Variants in ACTR1B observed in about 807,000 individuals in gnomAD.
ACTR1B encodes the protein actin related protein 1B, also known as beta-centractin.
In ACTR1B, 34 loss-of-function variants were observed where a neutral mutation model predicts 49.4. That is an observed-to-expected ratio of 0.69 (90% CI 0.52 to 0.92). The LOEUF is 0.92. Ranked by LOEUF, ACTR1B falls within the 40% of genes least tolerant of loss-of-function variation. ACTR1B has a pLI of 0.00. For missense variants in ACTR1B, 471 were observed against 522.4 expected (o/e 0.90, Z 0.96); for synonymous variants, 207 against 207.8 (o/e 1.00, Z 0.03).
At position 97,663,921 on chromosome 2, in the gene ACTR1B, C is replaced by G. The variant is rs1330654573; in HGVS notation, c.-31G>C. 7.2e-6 allele frequency: 3 copies of G among 416,922 alleles called. No homozygotes were observed. Among genetic ancestry groups the G allele is most frequent in the East Asian group, 2.6e-4 (2 of 7,752 alleles). 25.8% of individuals were successfully genotyped at this position (416,922 alleles called of 1,614,324 possible). On this transcript the variant is annotated 5_prime_UTR_variant, in exon 1 of 11. Transcript: ENST00000289228. ...GGCCGCGCCGGCCCTGCCCAGCAGG[C>G]GGGCTGCAGGAGGCACCGGATGGGC...
intron 8 of ACTR1B, 58 bp downstream of exon 8, chr2:97,657,885 T>A: frequency 6.3e-7 from 1 of 1,587,394 alleles, no homozygotes; most frequent in South Asian, 1.1e-5. Flanking sequence ...GTATACTCTC[T>A]GAGGGTCCAG....
At chr2:97,663,116 C>A (rs1243499196) in intron 1 of ACTR1B, among the ~76,000 whole-genome samples, 1 of 152,166 alleles carries the variant, frequency 6.6e-6, no homozygotes, top group Admixed American at 6.5e-5. Flanking sequence ...AGCTCGGAAG[C>A]CAGAAATCTT....
Position 97,659,655 on chromosome 2 carries a change from C to G in ACTR1B, c.190-178G>C. 1 of 841,584 alleles carries G rather than the reference C, an allele frequency of 1.2e-6. No homozygotes were observed. The allele number at this position is 841,584 out of a possible 1,614,324, so 52.1% of individuals were successfully genotyped here. A position where few individuals can be genotyped will look rare whatever the true frequency, so the allele number is the denominator to read the frequency against. ...GGGTCCTGAACTCAGCATGGGCTCA[C>G]CTGCCCACCAGCTTCTTAGGCTCTT... On this transcript the variant is annotated intron_variant, in intron 3 of 10. Transcript: ENST00000289228. This position sits in a 1 kb window ranked among gnomAD's most constrained non-coding sequence, Gnocchi z 4.0.
At position 97,659,755 on chromosome 2, in the gene ACTR1B, C is replaced by T. The variant is rs921090214; in HGVS notation, c.190-278G>A. 4 of 509,190 alleles carry T rather than the reference C, an allele frequency of 7.9e-6. No individual in the cohort carries two copies. The highest frequency in any genetic ancestry group is 6.7e-5 in the Admixed American group (2 of 29,666). The allele number at this position is 509,190 out of a possible 1,614,324, so 31.5% of individuals were successfully genotyped here. On this transcript the variant is annotated intron_variant, in intron 3 of 10. Coordinates refer to ENST00000289228, the MANE Select transcript of ACTR1B (RefSeq NM_005735.4). The surrounding 1 kb of genome is among the most constrained non-coding windows in gnomAD (Gnocchi z 4.0). The stretch of plus-strand genomic sequence containing the variant: ...CCCGCAATCTGCAGGCTCTCTTCTT[C>T]CCCATTCTCACTGCCGGCACATCCC...
In ACTR1B at chr2:97,660,625, C is replaced by T; in HGVS notation, c.135G>A (p.Met45Ile). The T allele has an allele frequency of 1.2e-6, 2 of 1,614,082 alleles. No individual in the cohort carries two copies. The highest frequency in any genetic ancestry group is 1.7e-6 in the Non-Finnish European group (2 of 1,180,014). ...FPNYVGRPKH[M>I]RVMAGALEGD... ...CCTCCAGGGCTCCAGCCATCACCCG[C>T]ATGTGCTTCGGCCGCCCGACACTGT... The change falls in exon 3 of 11, where the codon ATG (methionine) becomes ATA (isoleucine). Residue 45 changes from methionine to isoleucine, a missense_variant. Transcript: ENST00000289228.
In ACTR1B at chr2:97,658,090, CG is replaced by C; in HGVS notation, c.777del (p.Glu260SerfsTer59). 6.2e-7 allele frequency: 1 copy of C among 1,614,034 alleles called. No homozygotes were observed. Among genetic ancestry groups the C allele is most frequent in the Non-Finnish European group, 8.5e-7 (1 of 1,180,022 alleles). The part of the protein sequence containing the change: ...LDVGPARFRA[P>X]ELLFQPDLVG... ...ACAAGGTCCGGCTGGAACAGCAGCT[CG>C]GGGGCCCGGAATCGTGCAGGCCCCA... On this transcript the variant is annotated frameshift_variant, in exon 8 of 11. Transcript: ENST00000289228. LOFTEE classifies it high-confidence loss of function. The surrounding 1 kb of genome is among the most constrained non-coding windows in gnomAD (Gnocchi z 5.9).
Position 97,658,159 on chromosome 2 carries a change from G to A in ACTR1B, c.751-42C>T. 1 of 1,613,042 alleles carries A rather than the reference G, an allele frequency of 6.2e-7. No individual in the cohort carries two copies. The highest frequency in any genetic ancestry group is 1.1e-5 in the South Asian group (1 of 91,072). On this transcript the variant is annotated intron_variant, in intron 7 of 10. Transcript: ENST00000289228. This position sits in a 1 kb window ranked among gnomAD's most constrained non-coding sequence, Gnocchi z 5.9. ...TGAGGCAGACAGGCTTCCTGGAGAA[G>A]CGGGCTACCCCTTCCCCCAGGCTGG... is the stretch of plus-strand genomic sequence containing the variant.
In ACTR1B at chr2:97,656,651, C is replaced by G. The variant is rs1454108973; in HGVS notation, c.*207G>C. 1.8e-6 allele frequency: 1 copy of G among 568,294 alleles called. No individual in the cohort carries two copies. The highest frequency in any genetic ancestry group is 2.1e-5 in the South Asian group (1 of 46,954). 35.2% of individuals were successfully genotyped at this position (568,294 alleles called of 1,614,324 possible). A position where few individuals can be genotyped will look rare whatever the true frequency, so the allele number is the denominator to read the frequency against. On this transcript the variant is annotated 3_prime_UTR_variant, in exon 11 of 11. Transcript: ENST00000289228. ...TCAATTCCCACACGCCAGCTCAAGG[C>G]TCCTGTCCATGCAGCTCAATGTTAC... is the stretch of plus-strand genomic sequence containing the variant.
intron 1 of ACTR1B, 40 bp downstream of exon 1, chr2:97,663,803 G>A: frequency 7.5e-7 from 1 of 1,329,678 alleles, no homozygotes; most frequent in Non-Finnish European, 9.8e-7. Context: ...GCGCCCCCGG[G>A]GGCGGGGCGC....
In ACTR1B at chr2:97,658,174, C is replaced by T; in HGVS notation, c.750+50G>A. ...TCCTGGAGAAGCGGGCTACCCCTTC[C>T]CCCAGGCTGGGCATCGGCTGCCACT... is the stretch of plus-strand genomic sequence containing the variant. On this transcript the variant is annotated intron_variant, in intron 7 of 10. Transcript: ENST00000289228. The surrounding 1 kb of genome is among the most constrained non-coding windows in gnomAD (Gnocchi z 5.9). 1.2e-6 allele frequency: 2 copies of T among 1,613,486 alleles called. No homozygotes were observed. The highest frequency in any genetic ancestry group is 1.7e-6 in the Non-Finnish European group (2 of 1,179,772).
At chr2:97,657,825 TG>T in intron 8 of ACTR1B, 117 bp downstream of exon 8, 1 of 1,272,878 alleles carries the variant, frequency 7.9e-7, no homozygotes, top group Non-Finnish European at 1.1e-6. Context: ...TTAAAAAAAA[TG>T]TTCATTGAGC....
rs1257190669 is a variant in ACTR1B, at chr2:97,656,699, G to C, written c.*159C>G. On this transcript the variant is annotated 3_prime_UTR_variant, in exon 11 of 11. Coordinates refer to ENST00000289228, the MANE Select transcript of ACTR1B (RefSeq NM_005735.4). ...TACTTGTGTGTGCATGTCCTGTGTA[G>C]AGGGGAAGGCTGCAGGGGGGCACTG... The C allele has an allele frequency of 1.6e-6, 1 of 637,060 alleles. No individual in the cohort carries two copies. The highest frequency in any genetic ancestry group is 2.7e-5 in the East Asian group (1 of 36,722). 39.5% of individuals were successfully genotyped at this position (637,060 alleles called of 1,614,324 possible).
chr2:97,663,895 G>T lies in ACTR1B; in HGVS notation c.-5C>A. On this transcript the variant is annotated 5_prime_UTR_variant, in exon 1 of 11. Coordinates refer to ENST00000289228, the MANE Select transcript of ACTR1B (RefSeq NM_005735.4). ...GATGATGTCGTAGGACTCCATGGCC[G>T]GGCCGCGCCGGCCCTGCCCAGCAGG... is the stretch of plus-strand genomic sequence containing the variant. 3 of 1,400,178 alleles carry T rather than the reference G, an allele frequency of 2.1e-6. No homozygotes were observed. Among genetic ancestry groups the T allele is most frequent in the East Asian group, 3.2e-5 (1 of 31,570 alleles). 86.7% of individuals were successfully genotyped at this position (1,400,178 alleles called of 1,614,324 possible).
Position 97,656,245 on chromosome 2 carries a change from T to C in ACTR1B, c.*613A>G, listed in dbSNP as rs953347042. ...AGTGGATGAAGTGCTCTGAAAAGGA[T>C]AGTGCAGCGGCTCTAGCCACCGTGC... is the stretch of plus-strand genomic sequence containing the variant. On this transcript the variant is annotated 3_prime_UTR_variant, in exon 11 of 11. Coordinates refer to ENST00000289228, the MANE Select transcript of ACTR1B (RefSeq NM_005735.4). 4 of 152,942 alleles carry C rather than the reference T, an allele frequency of 2.6e-5. No individual in the cohort carries two copies. The highest frequency in any genetic ancestry group is 7.2e-5 in the African/African-American group (3 of 41,448). 9.5% of individuals were successfully genotyped at this position (152,942 alleles called of 1,614,324 possible). A position where few individuals can be genotyped will look rare whatever the true frequency, so the allele number is the denominator to read the frequency against.
intron 2 of ACTR1B, among the ~76,000 whole-genome samples, chr2:97,660,993 C>G (rs1674999667): frequency 3.9e-5 from 6 of 152,228 alleles, no homozygotes; most frequent in Admixed American, 3.9e-4. Context: ...GCTGCCGTCA[C>G]CATCCACAGA....
intron 1 of ACTR1B, among the ~76,000 whole-genome samples, chr2:97,662,362 C>A (rs1354492299): frequency 4.6e-5 from 7 of 151,624 alleles, no homozygotes. Flanking sequence ...TTCCATAGCA[C>A]ATGCTACTCC....
rs1468385659 is a variant in ACTR1B, at chr2:97,663,933, G to A, written c.-43C>T. 7.1e-6 allele frequency: 7 copies of A among 981,566 alleles called. No individual in the cohort carries two copies. In the South Asian group the frequency reaches 1.2e-4, roughly 17 times the overall value. The allele number at this position is 981,566 out of a possible 1,614,324, so 60.8% of individuals were successfully genotyped here. On this transcript the variant is annotated 5_prime_UTR_variant, in exon 1 of 11. Transcript: ENST00000289228. The stretch of plus-strand genomic sequence containing the variant: ...CCTGCCCAGCAGGCGGGCTGCAGGA[G>A]GCACCGGATGGGCGGGCGGGCGGGA...
chr2:97,659,222 A>T lies in ACTR1B; in HGVS notation c.315+130T>A. The T allele has an allele frequency of 6.8e-7, 1 of 1,471,534 alleles. No homozygotes were observed. Among genetic ancestry groups the T allele is most frequent in the Non-Finnish European group, 9.3e-7 (1 of 1,080,384 alleles). The allele number at this position is 1,471,534 out of a possible 1,614,324, so 91.2% of individuals were successfully genotyped here. On this transcript the variant is annotated intron_variant, in intron 4 of 10. Transcript: ENST00000289228. The surrounding 1 kb of genome is among the most constrained non-coding windows in gnomAD (Gnocchi z 4.0). The stretch of plus-strand genomic sequence containing the variant: ...CCACTGGGTACGTATGCGCACCCAG[A>T]CACACACGGAAAGGCAGCAGGCCCT...
chr2:97,658,782 G>A lies in ACTR1B; in HGVS notation c.440+97C>T. The A allele has an allele frequency of 6.3e-7, 1 of 1,595,758 alleles. No homozygotes were observed. The highest frequency in any genetic ancestry group is 1.1e-5 in the South Asian group (1 of 90,358). On this transcript the variant is annotated intron_variant, in intron 5 of 10. Transcript: ENST00000289228. This position sits in a 1 kb window ranked among gnomAD's most constrained non-coding sequence, Gnocchi z 5.9. ...GACTCCCTAGAGGAACAGTCATCAAGGGGCTGTTTTTCCAGGGAAGTCAGA... is the reference window on the plus strand; with the variant it reads ...GACTCCCTAGAGGAACAGTCATCAAAGGGCTGTTTTTCCAGGGAAGTCAGA...
Sources: allele counts gnomAD v4.1 joint callset (sites outside exome capture counted in the v4.1 genomes callset), GRCh38; gene constraint gnomAD v4.1.1; non-coding constraint Gnocchi (gnomAD v3.1); transcripts MANE v1.5; gene names NCBI Gene and HGNC (gene_info 2026-07-23, HGNC 2026-07-21).